ST6GALNAC5: variants seen among roughly 807,000 people sequenced by gnomAD.
The protein encoded by ST6GALNAC5 is ST6 N-acetylgalactosaminide alpha-2,6-sialyltransferase 5, also known as alpha-N-acetylgalactosaminide alpha-2,6-sialyltransferase 5.
ST6GALNAC5 carries 27 observed loss-of-function variants against 33.6 expected under a neutral mutation model. The observed-to-expected ratio is 0.80, with a 90% CI of 0.59 to 1.11. The LOEUF (loss-of-function observed/expected upper bound fraction) is 1.11. Among genes scored for constraint, ST6GALNAC5 ranks in the 50% least tolerant of loss-of-function variants. The pLI is 0.00. For synonymous variants in ST6GALNAC5, 194 were observed against 171.2 expected (o/e 1.13, Z -1.04); for missense variants, 428 against 454.0 (o/e 0.94, Z 0.52).
At chr1:76,977,714 C>A (rs1355080689) in intron 2 of ST6GALNAC5, among the ~76,000 whole-genome samples, 1 of 152,160 alleles carries the variant, frequency 6.6e-6, no homozygotes, top group East Asian at 1.9e-4. Flanking sequence ...TTTTCTTTAT[C>A]CATTCATCTA....
At chr1:77,047,813 A>G (rs61782868) in intron 3 of ST6GALNAC5, among the ~76,000 whole-genome samples, 16,324 of 152,240 alleles carry the variant, frequency 0.11, 987 homozygotes, top group Middle Eastern at 0.14. Flanking sequence ...GTAATTTAGT[A>G]TGCACTATAG....
intron 2 of ST6GALNAC5, among the ~76,000 whole-genome samples, chr1:76,886,005 G>T (rs1481532602): frequency 6.6e-6 from 1 of 152,222 alleles, no homozygotes; most frequent in Non-Finnish European, 1.5e-5. Context: ...CATGGGCAGT[G>T]GGGCAGTCCT....
At chr1:77,005,160 C>G (rs1203453508) in intron 2 of ST6GALNAC5, among the ~76,000 whole-genome samples, 2 of 152,238 alleles carry the variant, frequency 1.3e-5, no homozygotes, top group Non-Finnish European at 2.9e-5. Flanking sequence ...TGGGGTAGTA[C>G]CCTCCAAGCC....
intron 2 of ST6GALNAC5, among the ~76,000 whole-genome samples, chr1:77,013,544 C>A (rs1294380793): frequency 6.6e-6 from 1 of 152,166 alleles, no homozygotes; most frequent in South Asian, 2.1e-4. Flanking sequence ...AGTCATGTTA[C>A]GATTTGTTTT....
intron 2 of ST6GALNAC5, among the ~76,000 whole-genome samples, chr1:76,996,720 C>A (rs1361803330): frequency 2.6e-5 from 4 of 152,164 alleles, no homozygotes; most frequent in African/African-American, 9.7e-5. Context: ...TGGAAGGAGG[C>A]TGGCATTGTC....
chr1:76,937,192 T>C (rs1324723552), intron 2 of ST6GALNAC5, among the ~76,000 whole-genome samples: 1 of 151,856 alleles, frequency 6.6e-6, no homozygotes, highest in Non-Finnish European at 1.5e-5. Flanking sequence ...AGGTGTGAAA[T>C]GCAAGCCCTA....
At chr1:77,056,950 A>G (rs1279981889) in intron 4 of ST6GALNAC5, among the ~76,000 whole-genome samples, 1 of 152,190 alleles carries the variant, frequency 6.6e-6, no homozygotes, top group African/African-American at 2.4e-5. Flanking sequence ...GGGCACCTCC[A>G]GGACTGTGAC....
chr1:76,939,872 G>T (rs1647289461), intron 2 of ST6GALNAC5, among the ~76,000 whole-genome samples: 1 of 152,058 alleles, frequency 6.6e-6, no homozygotes, highest in African/African-American at 2.4e-5. Flanking sequence ...AGTCACAATG[G>T]CTGCCTCCTA....
chr1:76,978,368 A>G lies in ST6GALNAC5; in HGVS notation c.262-65836A>G, dbSNP rs74373264. ...TTTTTGCTTTTGTTGTCTGTGCTGT[A>G]GAAATACTCGACAAAATACTAAGAA... On this transcript the variant is annotated intron_variant, in intron 2 of 4. Transcript: ENST00000477717. Among the ~76,000 whole-genome samples the G allele has an allele frequency of 4.5e-3, 691 of 152,132 alleles. 7 individuals are homozygous for G. Among genetic ancestry groups the G allele is most frequent in the African/African-American group, 0.016 (650 of 41,524 alleles).
At chr1:76,934,293 A>T (rs931722144) in intron 2 of ST6GALNAC5, among the ~76,000 whole-genome samples, 1 of 152,058 alleles carries the variant, frequency 6.6e-6, no homozygotes, top group Non-Finnish European at 1.5e-5. Context: ...CTTGTTCTCA[A>T]TGCAAATGGA....
chr1:76,948,587 C>CAGAGAGAGAGAGAGAGAGAG (rs60959607), intron 2 of ST6GALNAC5, among the ~76,000 whole-genome samples: 21 of 129,720 alleles, frequency 1.6e-4, no homozygotes, highest in East Asian at 1.3e-3. Context: ...GGAGTGGGGA[C>CAGAGAGAGAGAGAGAGAGAG]AGAGAGAGAG....
rs1652656151 is a variant in ST6GALNAC5, at chr1:77,063,274, G to A, written c.*68G>A. The A allele has an allele frequency of 2.1e-6, 3 of 1,429,662 alleles. No individual in the cohort carries two copies. The highest frequency in any genetic ancestry group is 2.3e-5 in the East Asian group (1 of 43,444). 88.6% of individuals were successfully genotyped at this position (1,429,662 alleles called of 1,614,324 possible). On this transcript the variant is annotated 3_prime_UTR_variant, in exon 5 of 5. Transcript: ENST00000477717. ...CAGACACCGAGACACTGAACTTCCT[G>A]AGCCACCAGACAGGAAAGGGTAGCA...
intron 1 of ST6GALNAC5, 33 bp downstream of exon 1, chr1:76,867,723 G>A (rs770722297): frequency 3.1e-6 from 5 of 1,613,934 alleles, no homozygotes; most frequent in African/African-American, 1.3e-5. Context: ...ACCGGGCAAA[G>A]AGGGGGATCC....
intron 2 of ST6GALNAC5, among the ~76,000 whole-genome samples, chr1:76,955,732 A>T (rs1647932451): frequency 6.6e-6 from 1 of 152,150 alleles, no homozygotes; most frequent in Non-Finnish European, 1.5e-5. Flanking sequence ...GATTTTGCAT[A>T]TTTTCATCAG....
intron 2 of ST6GALNAC5, among the ~76,000 whole-genome samples, chr1:76,907,244 A>T (rs1646872424): frequency 6.6e-6 from 1 of 151,848 alleles, no homozygotes; most frequent in Non-Finnish European, 1.5e-5. Context: ...TGTTCTTAGG[A>T]TGAACTCCTC....
At chr1:76,999,063 A>G (rs180954856) in intron 2 of ST6GALNAC5, among the ~76,000 whole-genome samples, 4 of 152,268 alleles carry the variant, frequency 2.6e-5, no homozygotes, top group Admixed American at 2.0e-4. Flanking sequence ...TTGTTCCAAT[A>G]CTGTAGGAAA....
chr1:76,961,037 T>C (rs905308564), intron 2 of ST6GALNAC5, among the ~76,000 whole-genome samples: 5 of 152,146 alleles, frequency 3.3e-5, no homozygotes, highest in Admixed American at 6.5e-5. Flanking sequence ...AAGTGATAAG[T>C]GTCCATGAAA....
chr1:76,973,647 T>C (rs1263989291), intron 2 of ST6GALNAC5, among the ~76,000 whole-genome samples: 1 of 152,070 alleles, frequency 6.6e-6, no homozygotes, highest in East Asian at 1.9e-4. Context: ...CTTCTGAATT[T>C]TTGTGTCATT....
intron 2 of ST6GALNAC5, among the ~76,000 whole-genome samples, chr1:76,981,284 C>A (rs1302411928): frequency 6.6e-6 from 1 of 152,194 alleles, no homozygotes; most frequent in East Asian, 1.9e-4. Context: ...CACTCCCACC[C>A]AAATACTGTG....
Sources: allele counts gnomAD v4.1 joint callset (sites outside exome capture counted in the v4.1 genomes callset), GRCh38; gene constraint gnomAD v4.1.1; transcripts MANE v1.5; gene names NCBI Gene and HGNC (gene_info 2026-07-23, HGNC 2026-07-21).